ALDH1L1: variants seen among roughly 807,000 people sequenced by gnomAD.
ALDH1L1 encodes the protein aldehyde dehydrogenase 1 family member L1, also known as cytosolic 10-formyltetrahydrofolate dehydrogenase.
ALDH1L1 carries 68 observed loss-of-function variants against 101.1 expected under a neutral mutation model. The ratio of observed to expected loss-of-function variants is 0.67; its 90% CI spans 0.55 to 0.82. ALDH1L1 has a LOEUF of 0.82. Among genes scored for constraint, ALDH1L1 ranks in the 40% least tolerant of loss-of-function variants. The pLI is 0.00. For synonymous variants in ALDH1L1, 486 were observed against 470.8 expected (o/e 1.03, Z -0.42); for missense variants, 1,087 against 1,172.7 (o/e 0.93, Z 1.07).
At chr3:126,161,572 C>A (rs1025244243) in intron 1 of ALDH1L1, among the ~76,000 whole-genome samples, 1 of 152,192 alleles carries the variant, frequency 6.6e-6, no homozygotes, top group Non-Finnish European at 1.5e-5. Context: ...AATGGGATTC[C>A]ACTAAGGAAG....
chr3:126,193,900 T>G (rs1352046814), intron 1 of ALDH1L1, among the ~76,000 whole-genome samples: 1 of 152,218 alleles, frequency 6.6e-6, no homozygotes, highest in Non-Finnish European at 1.5e-5. Context: ...GTCAGTCTTT[T>G]CATTAAAGTT....
rs559706947 is a variant in ALDH1L1, at chr3:126,157,648, C to T, written c.363-140G>A. The stretch of plus-strand genomic sequence containing the variant: ...GACTGACACCGGCTCCGGCGGGAAA[C>T]GGAAGAAGGAAAACAGCATGTATTG... On this transcript the variant is annotated intron_variant, in intron 3 of 22. Transcript: ENST00000393434. 168 of 904,024 alleles carry T rather than the reference C, an allele frequency of 1.9e-4. 3 individuals are homozygous for T. In the South Asian group the frequency reaches 2.3e-3, roughly 12 times the overall value. The allele number at this position is 904,024 out of a possible 1,614,324, so 56.0% of individuals were successfully genotyped here. A position where few individuals can be genotyped will look rare whatever the true frequency, so the allele number is the denominator to read the frequency against.
intron 9 of ALDH1L1, among the ~76,000 whole-genome samples, chr3:126,143,725 T>C (rs1158839808): frequency 6.6e-6 from 1 of 152,208 alleles, no homozygotes; most frequent in Non-Finnish European, 1.5e-5. Context: ...GGAGGATCAC[T>C]TGAGCCTAGG....
intron 9 of ALDH1L1, among the ~76,000 whole-genome samples, chr3:126,140,847 A>G (rs942579044): frequency 1.3e-5 from 2 of 152,048 alleles, no homozygotes; most frequent in African/African-American, 2.4e-5. Context: ...ACCAAATACA[A>G]AAAAGGACAG....
intron 18 of ALDH1L1, 24 bp downstream of exon 18, chr3:126,114,533 G>T: frequency 6.8e-7 from 1 of 1,478,990 alleles, no homozygotes. Context: ...CACTGTCCCT[G>T]CCCCCTCCAG....
chr3:126,177,966 C>T (rs1307884259), intron 1 of ALDH1L1, among the ~76,000 whole-genome samples: 3 of 152,196 alleles, frequency 2.0e-5, no homozygotes, highest in African/African-American at 4.8e-5. Context: ...TTGCTTGAAC[C>T]TGGGAGGCAG....
chr3:126,153,225 C>T (rs1401766761), intron 7 of ALDH1L1: 2 of 667,116 alleles, frequency 3.0e-6, no homozygotes, highest in Non-Finnish European at 2.6e-6. Flanking sequence ...GGTAGGGAGC[C>T]CAGCTTTCCC....
At chr3:126,147,665 C>T (rs2080723294) in intron 8 of ALDH1L1, among the ~76,000 whole-genome samples, 1 of 152,190 alleles carries the variant, frequency 6.6e-6, no homozygotes, top group African/African-American at 2.4e-5. Flanking sequence ...GGCCAGGTCC[C>T]CACTCTCTGG....
intron 8 of ALDH1L1, among the ~76,000 whole-genome samples, chr3:126,149,778 C>T (rs180994998): frequency 5.0e-4 from 76 of 152,338 alleles, no homozygotes; most frequent in African/African-American, 1.8e-3. Context: ...GGCCTCTGCC[C>T]TGTTAGGGCC....
chr3:126,175,372 G>T (rs2081350820), intron 1 of ALDH1L1, among the ~76,000 whole-genome samples: 1 of 151,960 alleles, frequency 6.6e-6, no homozygotes, highest in Non-Finnish European at 1.5e-5. Context: ...ATTTTCTTGG[G>T]TCAGAATTAC....
At chr3:126,154,477 C>A in intron 6 of ALDH1L1, 77 bp downstream of exon 6, 1 of 1,439,074 alleles carries the variant, frequency 6.9e-7, no homozygotes, top group Non-Finnish European at 9.7e-7. Context: ...CCAACCAGTT[C>A]AAACATGTGT....
At position 126,131,538 on chromosome 3, in the gene ALDH1L1, A is replaced by G. The variant is rs2305228; in HGVS notation, c.1473-4T>C. The G allele has an allele frequency of 0.65, 1,037,342 of 1,599,918 alleles. 340,979 individuals carry two copies. Among genetic ancestry groups the G allele is most frequent in the African/African-American group, 0.87 (64,794 of 74,820 alleles). On this transcript the variant is annotated splice_region_variant and splice_polypyrimidine_tract_variant and intron_variant, in intron 12 of 22. Coordinates refer to ENST00000393434, the MANE Select transcript of ALDH1L1 (RefSeq NM_012190.4). ...CTGCTCCATGAGATCTGCCAACCTG[A>G]CCAGGGTGAGGGGAAGCGGGAGGTG...
At chr3:126,173,386 C>A (rs1305334678) in intron 1 of ALDH1L1, among the ~76,000 whole-genome samples, 1 of 152,022 alleles carries the variant, frequency 6.6e-6, no homozygotes, top group African/African-American at 2.4e-5. Flanking sequence ...CAAAAGCAGA[C>A]TTAAATTAGA....
At chr3:126,128,993 A>T (rs1048225953) in intron 14 of ALDH1L1, 1 of 145,304 alleles carries the variant, frequency 6.9e-6, no homozygotes, top group African/African-American at 2.5e-5. Flanking sequence ...CCACTGCCCC[A>T]TAGCAGGGTT....
intron 18 of ALDH1L1, among the ~76,000 whole-genome samples, chr3:126,113,554 G>A (rs565680652): frequency 6.6e-6 from 1 of 152,178 alleles, no homozygotes; most frequent in African/African-American, 2.4e-5. Flanking sequence ...CAATGACAGG[G>A]CCCCGACCTC....
At position 126,130,287 on chromosome 3, in the gene ALDH1L1, T is replaced by C; in HGVS notation, c.1630A>G (p.Thr544Ala). The C allele has an allele frequency of 6.2e-7, 1 of 1,608,828 alleles. No individual in the cohort carries two copies. ...GGTCTGGCCTGGTTGATGGGGATGG[T>C]GGAGCCCTGGAAGAGGAACAGGGGC... ...AGWCDKIQGS[T>A]IPINQARPNR... Residue 544 changes from threonine (T) to alanine (A), a missense_variant, in exon 14 of 23, where the codon ACC becomes GCC. By Grantham distance (58) the Thr-to-Ala change is moderately conservative. Coordinates refer to ENST00000393434, the MANE Select transcript of ALDH1L1 (RefSeq NM_012190.4).
At chr3:126,154,311 C>CA (rs1443044682) in intron 6 of ALDH1L1, among the ~76,000 whole-genome samples, 2 of 152,322 alleles carry the variant, frequency 1.3e-5, no homozygotes, top group Middle Eastern at 3.4e-3. Context: ...AGCTGGGCCC[C>CA]AGGGGCACTA....
intron 14 of ALDH1L1, chr3:126,129,223 C>T (rs1355970429): frequency 2.0e-5 from 3 of 152,284 alleles, no homozygotes; most frequent in Non-Finnish European, 2.9e-5. Context: ...TCCTCCAGCC[C>T]GTGCTTGAGG....
intron 20 of ALDH1L1, among the ~76,000 whole-genome samples, chr3:126,109,246 C>A (rs907303278): frequency 6.6e-6 from 1 of 152,184 alleles, no homozygotes; most frequent in African/African-American, 2.4e-5. Flanking sequence ...GGCACCTGTC[C>A]CCCAGCAGCA....
Sources: allele counts gnomAD v4.1 joint callset (sites outside exome capture counted in the v4.1 genomes callset), GRCh38; gene constraint gnomAD v4.1.1; transcripts MANE v1.5; gene names NCBI Gene and HGNC (gene_info 2026-07-23, HGNC 2026-07-21).